Variants in MMP2 observed in about 807,000 individuals in gnomAD.
MMP2 encodes the protein 72 kDa type IV collagenase.
Under a neutral mutation model 74.8 loss-of-function variants are expected in MMP2, and 39 were observed. The observed-to-expected ratio is 0.52, with a 90% CI of 0.40 to 0.68. MMP2 has a LOEUF of 0.68. Ranked by LOEUF, MMP2 falls within the 30% of genes least tolerant of loss-of-function variation. The pLI is 0.00. For synonymous variants in MMP2, 367 were observed against 339.8 expected, an observed-to-expected ratio of 1.08 and a Z score of -0.88; for missense variants, 803 against 878.3, an observed-to-expected ratio of 0.91 and a Z score of 1.08.
chr16:55,497,125 G>T, intron 10 of MMP2, 63 bp downstream of exon 10: 1 of 1,610,394 alleles, frequency 6.2e-7, no homozygotes, highest in Non-Finnish European at 8.5e-7. Context: ...GGGCTCCTGG[G>T]TGTCCCAGGC....
At chr16:55,502,340 T>A (rs1321894525) in intron 11 of MMP2, among the ~76,000 whole-genome samples, 1 of 152,198 alleles carries the variant, frequency 6.6e-6, no homozygotes, top group Non-Finnish European at 1.5e-5. Flanking sequence ...GGAGCTAACA[T>A]TTCTTAAGTA....
chr16:55,484,535 G>A (rs1298609296), intron 3 of MMP2, among the ~76,000 whole-genome samples: 1 of 152,204 alleles, frequency 6.6e-6, no homozygotes, highest in South Asian at 2.1e-4. Context: ...GTGCTCAAAA[G>A]ACACAGGAGG....
At chr16:55,488,307 T>C (rs1962307837) in intron 5 of MMP2, 1 of 547,582 alleles carries the variant, frequency 1.8e-6, no homozygotes, top group Non-Finnish European at 3.3e-6. Context: ...GTGTCAATCA[T>C]TTTGTTGTTG....
At chr16:55,505,109 A>G (rs763467088) in intron 12 of MMP2, among the ~76,000 whole-genome samples, 19 of 151,848 alleles carry the variant, frequency 1.3e-4, no homozygotes, top group Non-Finnish European at 2.6e-4. Flanking sequence ...GTACCACTAT[A>G]CCCAGCTAAT....
At chr16:55,483,271 C>T in intron 2 of MMP2, 136 bp downstream of exon 2, 1 of 668,308 alleles carries the variant, frequency 1.5e-6, no homozygotes, top group South Asian at 1.9e-5. Flanking sequence ...AGTTTCAATA[C>T]ACAGTTCTTA....
intron 3 of MMP2, 97 bp downstream of exon 3, chr16:55,484,261 G>A (rs1318783110): frequency 5.1e-5 from 71 of 1,405,788 alleles, no homozygotes; most frequent in South Asian, 4.1e-4. Context: ...TCCTAAGGGC[G>A]GCTTAGATAG....
intron 1 of MMP2, among the ~76,000 whole-genome samples, chr16:55,482,246 G>A (rs959903396): frequency 7.2e-5 from 11 of 152,160 alleles, no homozygotes; most frequent in Non-Finnish European, 1.3e-4. Context: ...CTCAGTTTGG[G>A]CAGGGCCAGT....
intron 7 of MMP2, 37 bp downstream of exon 7, chr16:55,489,861 A>G (rs748878636): frequency 1.2e-6 from 2 of 1,608,200 alleles, no homozygotes; most frequent in African/African-American, 1.3e-5. Context: ...GACCCTGGAC[A>G]TTGCCCTTGC....
At chr16:55,489,562 G>A in intron 6 of MMP2, 89 bp from the exon 7 acceptor site, 1 of 1,493,698 alleles carries the variant, frequency 6.7e-7, no homozygotes. Flanking sequence ...ACTTAGGTGT[G>A]GTTCATTAAG....
intron 7 of MMP2, among the ~76,000 whole-genome samples, 188 bp from the exon 8 acceptor site, chr16:55,491,613 A>C (rs758724964): frequency 1.3e-5 from 2 of 152,154 alleles, no homozygotes; most frequent in Non-Finnish European, 2.9e-5. Flanking sequence ...ATAGGCACTA[A>C]TCCCAAAATT....
rs868623056 is a variant in MMP2 at position 55,479,488 on chromosome 16, G to A, written c.9G>A (p.Ala3=). 7.6e-6 allele frequency: 12 copies of A among 1,577,050 alleles called. No homozygotes were observed. The Middle Eastern group carries it at 2.0e-3, about 269-fold the overall frequency. Residue 3 remains alanine (A), a synonymous_variant, in exon 1 of 13, where the codon GCG becomes GCA. Coordinates refer to ENST00000219070, the MANE Select transcript of MMP2 (RefSeq NM_004530.6). ...GGCCAGGGAGCGCTACGATGGAGGC[G>A]CTAATGGCCCGGGGCGCGCTCACGG... is the stretch of plus-strand genomic sequence containing the variant. ME[A]LMARGALTGP...
chr16:55,505,264 C>A, intron 12 of MMP2, 75 bp from the exon 13 acceptor site: 2 of 1,285,906 alleles, frequency 1.6e-6, no homozygotes, highest in Non-Finnish European at 2.3e-6. Context: ...GGCAGAAATT[C>A]AAAGTTCCCA....
At chr16:55,479,988 G>T (rs1224388635) in intron 1 of MMP2, 4 of 292,886 alleles carry the variant, frequency 1.4e-5, no homozygotes, top group East Asian at 9.5e-5. Context: ...CGGGGGGGGG[G>T]GGCGGTCTTT....
At chr16:55,500,221 C>G (rs965604270) in intron 11 of MMP2, among the ~76,000 whole-genome samples, 5 of 152,046 alleles carry the variant, frequency 3.3e-5, no homozygotes, top group African/African-American at 4.8e-5. Flanking sequence ...TAGCCCCAGA[C>G]AGTGTGCACG....
At chr16:55,499,068 C>A (rs1206993677) in intron 11 of MMP2, among the ~76,000 whole-genome samples, 2 of 151,028 alleles carry the variant, frequency 1.3e-5, no homozygotes, top group African/African-American at 2.4e-5. Context: ...ACTAGGGAGA[C>A]TGAGGCAGGG....
chr16:55,483,969 A>G, intron 2 of MMP2, 47 bp from the exon 3 acceptor site: 1 of 1,584,064 alleles, frequency 6.3e-7, no homozygotes, highest in African/African-American at 1.3e-5. Flanking sequence ...ATATACATAC[A>G]CTTATGCACA....
rs773289977 is a variant in MMP2, at chr16:55,493,115, C to A, written c.1337-43C>A. ...TGGGGGCTCACCCTAGTGGGGAGAA[C>A]CTCTGGAGCTGCAGAGAGTCTAAGG... is the stretch of plus-strand genomic sequence containing the variant. On this transcript the variant is annotated intron_variant, in intron 8 of 12. Transcript: ENST00000219070. 7.4e-6 allele frequency: 12 copies of A among 1,611,550 alleles called. No individual in the cohort carries two copies. The South Asian group carries it at 1.1e-4, about 15-fold the overall frequency.
At chr16:55,489,958 G>A (rs1156662523) in intron 7 of MMP2, 134 bp downstream of exon 7, 5 of 977,264 alleles carry the variant, frequency 5.1e-6, no homozygotes, top group East Asian at 2.6e-5. Flanking sequence ...ACCCAGACCC[G>A]CCCACCTGGG....
chr16:55,495,591 T>A (rs1962512288), intron 9 of MMP2, among the ~76,000 whole-genome samples: 1 of 152,196 alleles, frequency 6.6e-6, no homozygotes, highest in Non-Finnish European at 1.5e-5. Flanking sequence ...ACTAAGTAAT[T>A]TGAATCCTAA....
Sources: allele counts gnomAD v4.1 joint callset (sites outside exome capture counted in the v4.1 genomes callset), GRCh38; gene constraint gnomAD v4.1.1; transcripts MANE v1.5; gene names NCBI Gene and HGNC (gene_info 2026-07-23, HGNC 2026-07-21).